Variants in RERE observed in about 807,000 individuals in gnomAD.
RERE encodes arginine-glutamic acid dipeptide repeats.
In RERE, 40 loss-of-function variants were observed where a neutral mutation model predicts 146.1. The observed-to-expected ratio is 0.27, with a 90% CI of 0.21 to 0.36. The LOEUF (loss-of-function observed/expected upper bound fraction) is 0.36, where lower values mean the gene tolerates loss of function less well. Ranked by LOEUF, RERE falls within the 10% of genes least tolerant of loss-of-function variation. The pLI is 1.00. For synonymous variants in RERE, 1,003 were observed against 866.0 expected (o/e 1.16, Z -2.78); for missense variants, 1,933 against 2,138.7 (o/e 0.90, Z 1.90).
intron 6 of RERE, among the ~76,000 whole-genome samples, chr1:8,544,991 T>C (rs1240135815): frequency 1.3e-5 from 2 of 152,216 alleles, no homozygotes; most frequent in Non-Finnish European, 2.9e-5. Flanking sequence ...TGTGTGTATA[T>C]GTGTGCAGAA....
At chr1:8,782,711 GCCTGGCCAAAATGGTGAAAT>G (rs138732751) in intron 1 of RERE, among the ~76,000 whole-genome samples, 35,407 of 152,030 alleles carry the variant, frequency 0.23, 4,338 homozygotes, top group Middle Eastern at 0.27. Context: ...TTCGAGACCA[GCCTGGCCAAAATGGTGAAAT>G]CCTGTCTCTA....
intron 10 of RERE, among the ~76,000 whole-genome samples, chr1:8,491,594 G>C (rs1445438746): frequency 6.6e-6 from 1 of 152,014 alleles, no homozygotes; most frequent in Non-Finnish European, 1.5e-5. Context: ...CTCCAGCCTG[G>C]GCAACAGAGC....
chr1:8,727,051 C>T (rs898444102), intron 1 of RERE, among the ~76,000 whole-genome samples: 2 of 152,284 alleles, frequency 1.3e-5, no homozygotes, highest in East Asian at 3.9e-4. Context: ...GGTGATCCAC[C>T]CGCCTTTGGC....
intron 11 of RERE, among the ~76,000 whole-genome samples, chr1:8,459,645 G>A (rs931026677): frequency 1.3e-5 from 2 of 152,060 alleles, no homozygotes; most frequent in African/African-American, 2.4e-5. Context: ...ATAAAACCAC[G>A]TACGTACATA....
Position 8,364,128 on chromosome 1 carries a change from G to A in RERE, c.1668C>T (p.Phe556=), listed in dbSNP as rs779516059. 3.7e-6 allele frequency: 6 copies of A among 1,614,178 alleles called. No individual in the cohort carries two copies. Among genetic ancestry groups the A allele is most frequent in the Non-Finnish European group, 8.5e-7 (1 of 1,180,016 alleles). The change falls in exon 15 of 23, where the codon TTC becomes TTT. Residue 556 remains phenylalanine (F), a synonymous_variant. Coordinates refer to ENST00000400908, the MANE Select transcript of RERE (RefSeq NM_001042681.2). The surrounding 1 kb of genome is among the most constrained non-coding windows in gnomAD (Gnocchi z 5.1). ...EKPVDPPPFM[F]KPVKEEDDGL... is the part of the protein sequence containing the mutation. ...CATCATCCTCTTCCTTGACGGGTTTGAACATAAACGGTGGCGGGTCCACGG... is the reference window on the plus strand; with the variant it reads ...CATCATCCTCTTCCTTGACGGGTTTAAACATAAACGGTGGCGGGTCCACGG...
chr1:8,541,289 TC>T lies in RERE; in HGVS notation c.754del (p.Asp252ThrfsTer19). On this transcript the variant is annotated frameshift_variant, in exon 7 of 23. Coordinates refer to ENST00000400908, the MANE Select transcript of RERE (RefSeq NM_001042681.2). LOFTEE classifies it high-confidence loss of function. ...TTTAAACTCTCTAGCAGCAAATATG[TC>T]AGAAAAATGGGAGATGTTACACTTC... Reference protein sequence around the residue: ...RGKCNISHFSDIFAAREFKAR... With the variant: ...RGKCNISHFSXIFAAREFKAR... 6.2e-7 allele frequency: 1 copy of T among 1,610,120 alleles called. No homozygotes were observed. The highest frequency in any genetic ancestry group is 8.5e-7 in the Non-Finnish European group (1 of 1,177,224).
chr1:8,489,637 A>C (rs1250917852), intron 10 of RERE, among the ~76,000 whole-genome samples: 2 of 152,206 alleles, frequency 1.3e-5, no homozygotes, highest in African/African-American at 4.8e-5. Flanking sequence ...ACCAGACTAC[A>C]CATCCATTAA....
At position 8,724,875 on chromosome 1, in the gene RERE, TA is replaced by T. The variant is rs1176635924; in HGVS notation, c.-144-68435del. 3.3e-4 allele frequency among the ~76,000 whole-genome samples: 40 copies of T among 120,752 alleles called. 1 individual carries two copies. Among genetic ancestry groups the T allele is most frequent in the Non-Finnish European group, 5.3e-4 (30 of 57,038 alleles). 79.2% of individuals were successfully genotyped at this position (120,752 alleles called of 152,430 possible). The stretch of plus-strand genomic sequence containing the variant: ...TTACCTTTTATTTCTAGATACTTTG[TA>T]AAAAAAAAAAAAAACAACTCAACCT... On this transcript the variant is annotated intron_variant, in intron 1 of 22. Coordinates refer to ENST00000400908, the MANE Select transcript of RERE (RefSeq NM_001042681.2).
intron 1 of RERE, among the ~76,000 whole-genome samples, chr1:8,742,419 G>A (rs1640327247): frequency 6.6e-6 from 1 of 152,164 alleles, no homozygotes; most frequent in African/African-American, 2.4e-5. Flanking sequence ...GACACTCTGG[G>A]AGGAAATTTA....
intron 1 of RERE, among the ~76,000 whole-genome samples, chr1:8,791,365 T>C (rs891895212): frequency 6.6e-6 from 1 of 152,256 alleles, no homozygotes; most frequent in Non-Finnish European, 1.5e-5. Context: ...TTTTTTCATA[T>C]CTGTTCCCCA....
chr1:8,470,425 C>A (rs930336768), intron 10 of RERE, among the ~76,000 whole-genome samples: 3 of 151,996 alleles, frequency 2.0e-5, no homozygotes, highest in African/African-American at 4.8e-5. Flanking sequence ...CCACGCCCGG[C>A]TAATTTTTTG....
chr1:8,484,990 CA>C (rs1644880180), intron 10 of RERE, among the ~76,000 whole-genome samples: 1 of 152,174 alleles, frequency 6.6e-6, no homozygotes, highest in South Asian at 2.1e-4. Flanking sequence ...ACTATTGGAC[CA>C]AAAGTAGCAA....
chr1:8,404,982 C>T, intron 12 of RERE, among the ~76,000 whole-genome samples: 1 of 152,226 alleles, frequency 6.6e-6, no homozygotes, highest in East Asian at 1.9e-4. Context: ...TCTGGATAAA[C>T]CAACTGACTA....
Position 8,423,442 on chromosome 1 carries a change from C to T in RERE, c.1204-635G>A. 2 of 682,516 alleles carry T rather than the reference C, an allele frequency of 2.9e-6. No homozygotes were observed. The highest frequency in any genetic ancestry group is 3.6e-6 in the Non-Finnish European group (2 of 552,938). The allele number at this position is 682,516 out of a possible 1,614,324, so 42.3% of individuals were successfully genotyped here. ...CCCTCCCGACGCCACTCGCCGCCCC[C>T]ATCCATTTTCGCAGCAGACTCGTCC... is the stretch of plus-strand genomic sequence containing the variant. On this transcript the variant is annotated intron_variant, in intron 11 of 22. Transcript: ENST00000400908. The surrounding 1 kb of genome is among the most constrained non-coding windows in gnomAD (Gnocchi z 5.4).
intron 11 of RERE, among the ~76,000 whole-genome samples, chr1:8,435,232 T>C (rs56117018): frequency 0.013 from 1,906 of 152,376 alleles, 16 homozygotes; most frequent in Middle Eastern, 0.061. Flanking sequence ...TATCACCATA[T>C]GTGATATGAT....
chr1:8,372,395 A>G (rs771061625), intron 12 of RERE, among the ~76,000 whole-genome samples: 1 of 151,980 alleles, frequency 6.6e-6, no homozygotes, highest in Non-Finnish European at 1.5e-5. Flanking sequence ...ACATCACCCA[A>G]GAAGTCTGGA....
intron 12 of RERE, among the ~76,000 whole-genome samples, chr1:8,394,939 C>A (rs563817790): frequency 5.3e-5 from 8 of 152,238 alleles, no homozygotes; most frequent in African/African-American, 1.9e-4. Context: ...TCTAAAATGT[C>A]TTTCCCATAG....
At chr1:8,552,330 T>C (rs1645945229) in intron 6 of RERE, among the ~76,000 whole-genome samples, 2 of 152,170 alleles carry the variant, frequency 1.3e-5, no homozygotes, top group African/African-American at 2.4e-5. Context: ...CCCCTCAGAG[T>C]TACTGTGACC....
At chr1:8,521,900 AGC>A (rs1234347654) in intron 7 of RERE, among the ~76,000 whole-genome samples, 1 of 152,238 alleles carries the variant, frequency 6.6e-6, no homozygotes, top group Non-Finnish European at 1.5e-5. Context: ...CTGCCCCAAA[AGC>A]TTGATGTCCA....
Sources: gnomAD v4.1 joint callset for allele counts (sites outside exome capture counted in the v4.1 genomes callset) on GRCh38, gnomAD v4.1.1 for gene constraint, Gnocchi (gnomAD v3.1) non-coding constraint, MANE v1.5 for transcripts, NCBI Gene and HGNC (gene_info 2026-07-23, HGNC 2026-07-21) for gene names.